Variants in PTPRK observed in about 807,000 individuals in gnomAD.
PTPRK encodes protein tyrosine phosphatase receptor type K.
Under a neutral mutation model 178.0 loss-of-function variants are expected in PTPRK, and 75 were observed. The ratio of observed to expected loss-of-function variants is 0.42; its 90% confidence interval spans 0.35 to 0.51. The LOEUF (loss-of-function observed/expected upper bound fraction) is 0.51. PTPRK is among the 20% of genes least tolerant of loss of function. The pLI is 0.02. For missense variants in PTPRK, 1,441 were observed against 1,797.8 expected, an observed-to-expected ratio of 0.80 and a Z score of 3.59; for synonymous variants, 637 against 620.6, an observed-to-expected ratio of 1.03 and a Z score of -0.39.
intron 7 of PTPRK, among the ~76,000 whole-genome samples, chr6:128,093,577 A>T (rs1787362150): frequency 7.4e-6 from 1 of 135,414 alleles, no homozygotes; most frequent in Non-Finnish European, 1.6e-5. Flanking sequence ...CCTGGGTGAC[A>T]GAGCAAGAGA....
chr6:128,221,718 T>G (rs555649007), intron 5 of PTPRK, among the ~76,000 whole-genome samples: 1 of 152,232 alleles, frequency 6.6e-6, no homozygotes, highest in South Asian at 2.1e-4. Flanking sequence ...TTTTATTCAT[T>G]ACTTTTGTTA....
Position 128,398,335 on chromosome 6 carries a change from C to A in PTPRK, c.101-647G>T, listed in dbSNP as rs185148421. 2.3e-3 allele frequency among the ~76,000 whole-genome samples: 352 copies of A among 152,242 alleles called. 2 individuals carry two copies. The highest frequency in any genetic ancestry group is 7.7e-3 in the African/African-American group (320 of 41,542). ...ACCACTCAGAAAACAAGGAAGTTTGCAAAGGGAGTACGCTGTGGTCCTTCT... is the reference window on the plus strand; with the variant it reads ...ACCACTCAGAAAACAAGGAAGTTTGAAAAGGGAGTACGCTGTGGTCCTTCT... On this transcript the variant is annotated intron_variant, in intron 1 of 29. Coordinates refer to ENST00000368226, the MANE Select transcript of PTPRK (RefSeq NM_002844.4).
At chr6:128,430,530 A>G (rs1844700712) in intron 1 of PTPRK, among the ~76,000 whole-genome samples, 2 of 152,374 alleles carry the variant, frequency 1.3e-5, no homozygotes, top group East Asian at 1.9e-4. Flanking sequence ...AAAATATATT[A>G]CCTACCTTTA....
At chr6:128,276,047 C>T (rs773187557) in intron 3 of PTPRK, among the ~76,000 whole-genome samples, 1 of 151,876 alleles carries the variant, frequency 6.6e-6, no homozygotes, top group African/African-American at 2.4e-5. Context: ...TAAGTATGCA[C>T]ATAAGGTAAC....
At chr6:128,279,929 A>C (rs1821406979) in intron 3 of PTPRK, among the ~76,000 whole-genome samples, 1 of 152,290 alleles carries the variant, frequency 6.6e-6, no homozygotes, top group South Asian at 2.1e-4. Flanking sequence ...GCCTATCATC[A>C]GGCAGTAAAG....
chr6:128,346,670 A>G (rs1413794701), intron 2 of PTPRK, among the ~76,000 whole-genome samples: 4 of 152,160 alleles, frequency 2.6e-5, no homozygotes, highest in African/African-American at 4.8e-5. Flanking sequence ...AGACCAAACC[A>G]GTTTAATTAC....
intron 1 of PTPRK, among the ~76,000 whole-genome samples, chr6:128,450,523 G>A (rs1455205610): frequency 6.6e-6 from 1 of 152,158 alleles, no homozygotes; most frequent in Non-Finnish European, 1.5e-5. Context: ...GATACTCAAA[G>A]TGAGTGTTTC....
intron 7 of PTPRK, among the ~76,000 whole-genome samples, chr6:128,155,011 C>T (rs1256323374): frequency 1.3e-5 from 2 of 151,832 alleles, no homozygotes; most frequent in East Asian, 3.9e-4. Flanking sequence ...CTCTCCTCTC[C>T]CATTCTCACA....
intron 3 of PTPRK, among the ~76,000 whole-genome samples, chr6:128,314,092 T>C (rs1584097308): frequency 6.6e-6 from 1 of 152,202 alleles, no homozygotes; most frequent in Non-Finnish European, 1.5e-5. Context: ...GTATTTCCCC[T>C]GATCTCTGCA....
intron 7 of PTPRK, among the ~76,000 whole-genome samples, chr6:128,152,551 G>A (rs902113986): frequency 3.1e-4 from 44 of 142,040 alleles, no homozygotes; most frequent in African/African-American, 1.3e-3. Context: ...AATGAGGCTG[G>A]GTAGGAAAAA....
At chr6:128,160,648 G>C (rs1798576667) in intron 7 of PTPRK, among the ~76,000 whole-genome samples, 2 of 151,580 alleles carry the variant, frequency 1.3e-5, no homozygotes, top group African/African-American at 4.8e-5. Flanking sequence ...ATCTGTAATG[G>C]AGACAACAAA....
chr6:128,201,726 T>G (rs1365907811), intron 6 of PTPRK, among the ~76,000 whole-genome samples: 1 of 151,920 alleles, frequency 6.6e-6, no homozygotes, highest in Non-Finnish European at 1.5e-5. Context: ...CTAAATCAAA[T>G]TTTAAAAATT....
intron 13 of PTPRK, among the ~76,000 whole-genome samples, chr6:128,021,218 C>A (rs918980395): frequency 1.3e-5 from 2 of 152,180 alleles, no homozygotes; most frequent in African/African-American, 2.4e-5. Flanking sequence ...ATTTCTAATT[C>A]TCAAAGTATC....
At chr6:128,337,127 T>C (rs1831039249) in intron 2 of PTPRK, among the ~76,000 whole-genome samples, 1 of 152,204 alleles carries the variant, frequency 6.6e-6, no homozygotes, top group South Asian at 2.1e-4. Context: ...TATTCCTACC[T>C]TCTTCATAAG....
chr6:128,144,478 CAGAG>C (rs1272840415), intron 7 of PTPRK, among the ~76,000 whole-genome samples: 1 of 152,174 alleles, frequency 6.6e-6, no homozygotes, highest in African/African-American at 2.4e-5. Flanking sequence ...ATTCCTCCCC[CAGAG>C]AGTCACATGG....
intron 2 of PTPRK, among the ~76,000 whole-genome samples, chr6:128,342,625 G>A (rs1041836875): frequency 6.6e-6 from 1 of 151,770 alleles, no homozygotes; most frequent in African/African-American, 2.4e-5. Context: ...GAATAGCAGT[G>A]TGCTGGATCT....
intron 5 of PTPRK, among the ~76,000 whole-genome samples, chr6:128,230,415 A>G (rs1326260703): frequency 6.6e-6 from 1 of 152,048 alleles, no homozygotes; most frequent in Non-Finnish European, 1.5e-5. Flanking sequence ...AATTCATGAG[A>G]GTGGTTATTT....
chr6:128,377,446 G>T (rs1837262311), intron 2 of PTPRK, among the ~76,000 whole-genome samples: 1 of 152,042 alleles, frequency 6.6e-6, no homozygotes, highest in African/African-American at 2.4e-5. Flanking sequence ...TCTCCCACCA[G>T]GCCCCTCCCA....
At chr6:128,034,396 T>C (rs1775856482) in intron 13 of PTPRK, among the ~76,000 whole-genome samples, 1 of 152,216 alleles carries the variant, frequency 6.6e-6, no homozygotes, top group Non-Finnish European at 1.5e-5. Flanking sequence ...AACTTCCCTT[T>C]GCTAAGGAAA....
Sources: gnomAD v4.1 joint callset for allele counts (sites outside exome capture counted in the v4.1 genomes callset) on GRCh38, gnomAD v4.1.1 for gene constraint, MANE v1.5 for transcripts, NCBI Gene and HGNC (gene_info 2026-07-23, HGNC 2026-07-21) for gene names.